The following CNGA2 variants were observed in gnomAD, a reference collection of about 807,000 sequenced individuals.
CNGA2 encodes cyclic nucleotide gated channel subunit alpha 2.
Under a neutral mutation model 35.9 loss-of-function variants are expected in CNGA2, and 22 were observed. The ratio of observed to expected loss-of-function variants is 0.61; its 90% CI spans 0.44 to 0.88. CNGA2 has a LOEUF of 0.88. Among genes scored for constraint, CNGA2 ranks in the 40% least tolerant of loss-of-function variants. The pLI, the probability that CNGA2 is intolerant of heterozygous loss-of-function variation, is 0.00. For missense variants in CNGA2, 555 were observed against 530.8 expected (o/e 1.05, Z -0.45); for synonymous variants, 217 against 209.2 (o/e 1.04, Z -0.32).
chrX:151,740,813 G>A lies in CNGA2; in HGVS notation c.394G>A (p.Val132Ile). The A allele has an allele frequency of 8.3e-7, 1 of 1,209,687 alleles. No homozygotes were observed. Among genetic ancestry groups the A allele is most frequent in the African/African-American group, 1.7e-5 (1 of 57,722 alleles). ...KGTKKKFELF[V>I]LDPAGDWYYC... The stretch of plus-strand genomic sequence containing the variant: ...TCTCAGGAAGAAATTTGAACTATTT[G>A]TCTTGGACCCAGCTGGGGATTGGTA... The change falls in exon 5 of 7, where the codon GTC becomes ATC. Residue 132 changes from valine to isoleucine, a missense_variant. Transcript: ENST00000329903.
In CNGA2 at chrX:151,745,416, A is replaced by C. The variant is rs2015367070; in HGVS notation, c.*918A>C. 9.0e-6 allele frequency: 1 copy of C among 111,553 alleles called. No individual in the cohort carries two copies. Among genetic ancestry groups the C allele is most frequent in the Admixed American group, 9.5e-5 (1 of 10,547 alleles). The allele number at this position is 111,553 out of a possible 1,213,427, so 9.2% of individuals were successfully genotyped here. ...GTATTCATCAGGGATTGCTTTCAGG[A>C]GTCCCCATGGATACCAAAATTTGTG... is the stretch of plus-strand genomic sequence containing the variant. On this transcript the variant is annotated 3_prime_UTR_variant, in exon 7 of 7. Coordinates refer to ENST00000329903, the MANE Select transcript of CNGA2 (RefSeq NM_005140.3).
chrX:151,736,141 G>T (rs751222070), intron 1 of CNGA2, among the ~76,000 whole-genome samples: 10 of 111,868 alleles, frequency 8.9e-5, no homozygotes, highest in Admixed American at 9.5e-5. Context: ...CAGCCCCTCA[G>T]CTGTCTTTCA....
At chrX:151,735,339 G>C (rs1397405379) in intron 1 of CNGA2, among the ~76,000 whole-genome samples, 1 of 111,842 alleles carries the variant, frequency 8.9e-6, no homozygotes, top group Non-Finnish European at 1.9e-5. Context: ...GCCTTTTCTT[G>C]TCCTCGCACT....
chrX:151,745,242 G>T lies in CNGA2; in HGVS notation c.*744G>T, dbSNP rs148445403. ...AGGCCCTGAAAACTGCTGGTGGTGG[G>T]GAGACTCTTCAAGTTAATATCTGCA... is the stretch of plus-strand genomic sequence containing the variant. On this transcript the variant is annotated 3_prime_UTR_variant, in exon 7 of 7. Transcript: ENST00000329903. 1 of 111,967 alleles carries T rather than the reference G, an allele frequency of 8.9e-6. No homozygotes were observed. Among genetic ancestry groups the T allele is most frequent in the Non-Finnish European group, 1.9e-5 (1 of 53,164 alleles). The allele number at this position is 111,967 out of a possible 1,213,427, so 9.2% of individuals were successfully genotyped here. A position where few individuals can be genotyped will look rare whatever the true frequency, so the allele number is the denominator to read the frequency against.
intron 5 of CNGA2, among the ~76,000 whole-genome samples, chrX:151,741,789 AGT>A (rs1263549579): frequency 8.9e-6 from 1 of 112,216 alleles, no homozygotes; most frequent in Non-Finnish European, 1.9e-5. Flanking sequence ...GGGATGGCCT[AGT>A]GTGGCTGGAG....
At position 151,739,871 on chromosome X, in the gene CNGA2, A is replaced by G. The variant is rs6627456; in HGVS notation, c.374+139A>G. 963 of 668,057 alleles carry G rather than the reference A, an allele frequency of 1.4e-3. 5 individuals are homozygous for G. In the African/African-American group the frequency reaches 0.019, roughly 13 times the overall value. 55.1% of individuals were successfully genotyped at this position (668,057 alleles called of 1,213,427 possible). Reference sequence around the variant, plus strand: ...GAGTGGTGGGCAAGGGTGATTTGCAATGTTTTCACCTCCAGAATATTTCCA... The same window carrying G: ...GAGTGGTGGGCAAGGGTGATTTGCAGTGTTTTCACCTCCAGAATATTTCCA... On this transcript the variant is annotated intron_variant, in intron 4 of 6. Coordinates refer to ENST00000329903, the MANE Select transcript of CNGA2 (RefSeq NM_005140.3).
chrX:151,742,938 ATATGTATATG>A (rs1417691827), intron 6 of CNGA2, among the ~76,000 whole-genome samples, 145 bp from the exon 7 acceptor site: 3 of 76,997 alleles, frequency 3.9e-5, no homozygotes, highest in African/African-American at 1.8e-4. Flanking sequence ...ATATATATAT[ATATGTATATG>A]TATATATATA....
rs1456303916 is a variant in CNGA2, at chrX:151,743,041, T to TAC, written c.590-51_590-50insCA. ...ATGTATATATATGCACATATATATG[T>TAC]ATATATATACCCTGAGGGCAGAGAT... On this transcript the variant is annotated intron_variant, in intron 6 of 6. Coordinates refer to ENST00000329903, the MANE Select transcript of CNGA2 (RefSeq NM_005140.3). The TAC allele has an allele frequency of 3.5e-4, 24 of 68,248 alleles. 2 individuals carry two copies. The highest frequency in any genetic ancestry group is 2.3e-3 in the African/African-American group (15 of 6,470). 5.6% of individuals were successfully genotyped at this position (68,248 alleles called of 1,213,427 possible).
In CNGA2 at chrX:151,742,527, C is replaced by T. The variant is rs368812484; in HGVS notation, c.483-9C>T. 1.8e-4 allele frequency: 219 copies of T among 1,194,159 alleles called. No individual in the cohort carries two copies. Among genetic ancestry groups the T allele is most frequent in the Non-Finnish European group, 2.4e-4 (213 of 882,609 alleles). On this transcript the variant is annotated splice_polypyrimidine_tract_variant and intron_variant, in intron 5 of 6. Transcript: ENST00000329903. Reference sequence around the variant, plus strand: ...TTTGGGGGTGAAGCTTAGCCCTGTCCTCCCGCAGAGCCTGCTTCAGTGACC... The same window carrying T: ...TTTGGGGGTGAAGCTTAGCCCTGTCTTCCCGCAGAGCCTGCTTCAGTGACC...
rs1308539380 is a variant in CNGA2 at position 151,743,835 on chromosome X, C to T, written c.1332C>T (p.Val444=). The T allele has an allele frequency of 4.1e-6, 5 of 1,211,641 alleles. No homozygotes were observed. The Admixed American group carries it at 1.1e-4, about 26-fold the overall frequency. Residue 444 remains valine (V), a synonymous_variant, in exon 7 of 7, where the codon GTC becomes GTT. Transcript: ENST00000329903. ...AKLRAEIAIN[V]HLSTLKKVRI... The stretch of plus-strand genomic sequence containing the variant: ...TCAGGGCTGAGATAGCCATCAATGT[C>T]CACTTGTCCACACTCAAGAAAGTGC...
intron 1 of CNGA2, among the ~76,000 whole-genome samples, chrX:151,737,787 T>G (rs1329301243): frequency 9.2e-6 from 1 of 108,949 alleles, no homozygotes; most frequent in East Asian, 3.1e-4. Flanking sequence ...TGCCTTCGCT[T>G]TGCAGATGTC....
At position 151,743,874 on chromosome X, in the gene CNGA2, T is replaced by C. The variant is rs778777736; in HGVS notation, c.1371T>C (p.Asp457=). The C allele has an allele frequency of 8.3e-7, 1 of 1,211,299 alleles. No homozygotes were observed. The highest frequency in any genetic ancestry group is 1.1e-6 in the Non-Finnish European group (1 of 895,423). Residue 457 remains aspartate, a synonymous_variant, in exon 7 of 7, where the codon GAT becomes GAC. Coordinates refer to ENST00000329903, the MANE Select transcript of CNGA2 (RefSeq NM_005140.3). ...STLKKVRIFH[D]CEAGLLVELV... ...TCAAGAAAGTGCGCATCTTCCATGA[T>C]TGTGAGGCTGGCCTGCTGGTAGAGC...
chrX:151,739,733 G>T lies in CNGA2; in HGVS notation c.374+1G>T, dbSNP rs1380482928. ...AGGATGGCGAGGACAAAGGCACCAA[G>T]TACAGCTGTTCAGCCTATGGGACTC... is the stretch of plus-strand genomic sequence containing the variant. On this transcript the variant is annotated splice_donor_variant, in intron 4 of 6. Transcript: ENST00000329903. LOFTEE classifies it high-confidence loss of function. 1.7e-6 allele frequency: 2 copies of T among 1,208,899 alleles called. No individual in the cohort carries two copies. Among genetic ancestry groups the T allele is most frequent in the African/African-American group, 1.7e-5 (1 of 57,193 alleles).
In CNGA2 at chrX:151,744,289, G is replaced by A. The variant is rs1253237724; in HGVS notation, c.1786G>A (p.Asp596Asn). The part of the protein sequence containing the change: ...ENEVATSMEV[D>N]VQEKLGQLET... ...CGAAGTGGCAACCAGCATGGAGGTC[G>A]ACGTGCAGGAGAAGCTAGGGCAGCT... Residue 596 changes from aspartate (D) to asparagine (N), a missense_variant, in exon 7 of 7, where the codon GAC (aspartate) becomes AAC (asparagine). By Grantham distance (23) the Asp-to-Asn change is conservative. Coordinates refer to ENST00000329903, the MANE Select transcript of CNGA2 (RefSeq NM_005140.3). 7 of 1,208,323 alleles carry A rather than the reference G, an allele frequency of 5.8e-6. No individual in the cohort carries two copies. The highest frequency in any genetic ancestry group is 3.0e-5 in the East Asian group (1 of 33,691).
chrX:151,744,086 A>C lies in CNGA2; in HGVS notation c.1583A>C (p.Lys528Thr). 8.3e-7 allele frequency: 1 copy of C among 1,211,283 alleles called. No homozygotes were observed. The highest frequency in any genetic ancestry group is 1.1e-6 in the Non-Finnish European group (1 of 895,380). ...GGCGAGATCAGTATCCTTAACATTA[A>C]GGGCAGTAAAATGGGCAATCGACGC... Reference protein sequence around the residue: ...CFGEISILNIKGSKMGNRRTA... With the variant: ...CFGEISILNITGSKMGNRRTA... The change falls in exon 7 of 7, where the codon AAG becomes ACG. Residue 528 changes from lysine (K) to threonine (T), a missense_variant. Physicochemically the swap from Lys to Thr is moderately conservative, Grantham distance 78. Transcript: ENST00000329903.
At position 151,735,871 on chromosome X, in the gene CNGA2, C is replaced by T. The variant is rs59722098; in HGVS notation, c.-27+928C>T. Among the ~76,000 whole-genome samples the T allele has an allele frequency of 2.7e-5, 3 of 111,008 alleles. No individual in the cohort carries two copies. In the East Asian group the frequency reaches 8.5e-4, roughly 32 times the overall value. On this transcript the variant is annotated intron_variant, in intron 1 of 6. Transcript: ENST00000329903. ...GTCCCCTCCTACTCCTCGCTTGAAACTTCATGAAACAAGCTCTGTTTGACC... is the reference window on the plus strand; with the variant it reads ...GTCCCCTCCTACTCCTCGCTTGAAATTTCATGAAACAAGCTCTGTTTGACC...
rs1378800908 is a variant in CNGA2 at position 151,734,792 on chromosome X, A to C, written c.-178A>C. 2.7e-5 allele frequency among the ~76,000 whole-genome samples: 3 copies of C among 111,765 alleles called. No homozygotes were observed. The East Asian group carries it at 8.5e-4, about 32-fold the overall frequency. ...AAAGATGGCGTGGATAAACTGTTAG[A>C]TGCTGCTCAGAAACACAATAGAACA... On this transcript the variant is annotated 5_prime_UTR_variant, in exon 1 of 7. An upstream start codon of the reference 5' UTR is lost. Coordinates refer to ENST00000329903, the MANE Select transcript of CNGA2 (RefSeq NM_005140.3).
Position 151,745,555 on chromosome X carries a change from C to T in CNGA2, c.*1057C>T, listed in dbSNP as rs372457923. Reference sequence around the variant, plus strand: ...TGTAACACCTAATACAATGTCAGTGCTATGTAAATAGCTGTTATATTGTAT... The same window carrying T: ...TGTAACACCTAATACAATGTCAGTGTTATGTAAATAGCTGTTATATTGTAT... On this transcript the variant is annotated 3_prime_UTR_variant, in exon 7 of 7. Transcript: ENST00000329903. 5.3e-5 allele frequency among the ~76,000 whole-genome samples: 6 copies of T among 112,287 alleles called. No homozygotes were observed. In the East Asian group the frequency reaches 1.7e-3, roughly 31 times the overall value.
chrX:151,735,316 T>C lies in CNGA2; in HGVS notation c.-27+373T>C, dbSNP rs555713599. On this transcript the variant is annotated intron_variant, in intron 1 of 6. Coordinates refer to ENST00000329903, the MANE Select transcript of CNGA2 (RefSeq NM_005140.3). Reference sequence around the variant, plus strand: ...TCTTTGGTAGGTACATGGTCTGTCATCTTCCTTGCCAAGCCTTTTCTTGTC... The same window carrying C: ...TCTTTGGTAGGTACATGGTCTGTCACCTTCCTTGCCAAGCCTTTTCTTGTC... Among the ~76,000 whole-genome samples, 247 of 112,196 alleles carry C rather than the reference T, an allele frequency of 2.2e-3. 4 individuals carry two copies. Among genetic ancestry groups the C allele is most frequent in the African/African-American group, 7.7e-3 (239 of 30,902 alleles).
Sources: gnomAD v4.1 joint callset for allele counts (sites outside exome capture counted in the v4.1 genomes callset) on GRCh38, gnomAD v4.1.1 for gene constraint, MANE v1.5 for transcripts, NCBI Gene and HGNC (gene_info 2026-07-23, HGNC 2026-07-21) for gene names.